ZXDC: variants seen among roughly 807,000 people sequenced by gnomAD.
ZXDC encodes the protein zinc finger protein ZXDC.
ZXDC carries 58 observed loss-of-function variants against 63.6 expected under a neutral mutation model. That is an observed-to-expected ratio of 0.91 (90% CI 0.74 to 1.13). ZXDC has a LOEUF of 1.13. Ranked by LOEUF, ZXDC falls within the 50% of genes most tolerant of loss-of-function variation. The pLI is 0.00. For synonymous variants in ZXDC, 561 were observed against 496.1 expected (o/e 1.13, Z -1.74); for missense variants, 1,133 against 1,148.9 (o/e 0.99, Z 0.20).
rs1371755928 is a variant in ZXDC, at chr3:126,475,668, G to T, written c.198C>A (p.Ala66=). 4 of 1,414,700 alleles carry T rather than the reference G, an allele frequency of 2.8e-6. No individual in the cohort carries two copies. The highest frequency in any genetic ancestry group is 2.5e-5 in the Admixed American group (1 of 40,760). 87.6% of individuals were successfully genotyped at this position (1,414,700 alleles called of 1,614,324 possible). ...AAGAGTCGCCGTCGCTGTCGTCCTCGGCGGGCGGCGGGCTTGGCCCGGAGG... is the reference window on the plus strand; with the variant it reads ...AAGAGTCGCCGTCGCTGTCGTCCTCTGCGGGCGGCGGGCTTGGCCCGGAGG... ...GEASGPSPPP[A]EDDSDGDSFL... Residue 66 remains alanine (A), a synonymous_variant, in exon 1 of 10, where the codon GCC becomes GCA. Coordinates refer to ENST00000389709, the MANE Select transcript of ZXDC (RefSeq NM_025112.5).
Position 126,449,719 on chromosome 3 carries a change from A to C in ZXDC, c.2213-7773T>G, listed in dbSNP as rs372108476. 3.5e-4 allele frequency among the ~76,000 whole-genome samples: 53 copies of C among 152,348 alleles called. 1 individual carries two copies. In the South Asian group the frequency reaches 7.0e-3, roughly 20 times the overall value. On this transcript the variant is annotated intron_variant, in intron 7 of 9. Transcript: ENST00000389709. ...TCAAGGGACTTTCCACTGGGCTGCC[A>C]AGGCCGACCTTCACCCTCAATCACC...
chr3:126,461,082 C>CT (rs79091231), intron 6 of ZXDC: 7,103 of 635,428 alleles, frequency 0.011, 14 homozygotes, highest in African/African-American at 0.026. Flanking sequence ...AAACCCCACC[C>CT]TTTTTTTTTT....
At chr3:126,467,435 G>C (rs548747258) in intron 4 of ZXDC, among the ~76,000 whole-genome samples, 1 of 152,130 alleles carries the variant, frequency 6.6e-6, no homozygotes, top group Non-Finnish European at 1.5e-5. Flanking sequence ...GCCTCTGCAC[G>C]GGCCTAAGCA....
At position 126,475,853 on chromosome 3, in the gene ZXDC, C is replaced by G; in HGVS notation, c.13G>C (p.Ala5Pro). MDLP[A>P]LLPAPTARGG... Reference sequence around the variant, plus strand: ...CGCGCAGTCGGGGCGGGGAGCAGCGCCGGGAGGTCCATCTTGGTCCCAGCG... The same window carrying G: ...CGCGCAGTCGGGGCGGGGAGCAGCGGCGGGAGGTCCATCTTGGTCCCAGCG... Residue 5 changes from alanine (A) to proline (P), a missense_variant, in exon 1 of 10, where the codon GCG becomes CCG. Coordinates refer to ENST00000389709, the MANE Select transcript of ZXDC (RefSeq NM_025112.5). 9.3e-7 allele frequency: 1 copy of G among 1,077,800 alleles called. No individual in the cohort carries two copies. Among genetic ancestry groups the G allele is most frequent in the Non-Finnish European group, 1.1e-6 (1 of 890,496 alleles). The allele number at this position is 1,077,800 out of a possible 1,614,324, so 66.8% of individuals were successfully genotyped here.
chr3:126,457,343 T>C (rs1486338364), intron 7 of ZXDC: 3 of 985,186 alleles, frequency 3.0e-6, no homozygotes, highest in East Asian at 2.3e-4. Context: ...GGAATATGTG[T>C]CTAAAACCAC....
rs1934767019 is a variant in ZXDC, at chr3:126,466,387, A to T, written c.1271-62T>A. 3.8e-6 allele frequency: 6 copies of T among 1,599,806 alleles called. No individual in the cohort carries two copies. The South Asian group carries it at 6.7e-5, about 18-fold the overall frequency. ...ATCACCAAGGAACCAGGAACAAGTG[A>T]CACTTCCCCATCAGATCAGAACCAC... On this transcript the variant is annotated intron_variant, in intron 4 of 9. Transcript: ENST00000389709.
chr3:126,448,310 G>C (rs543002118), intron 7 of ZXDC, among the ~76,000 whole-genome samples: 1 of 152,164 alleles, frequency 6.6e-6, no homozygotes, highest in Non-Finnish European at 1.5e-5. Flanking sequence ...GCAGGTGCTC[G>C]GCCAGATGGT....
intron 3 of ZXDC, among the ~76,000 whole-genome samples, chr3:126,471,474 T>C (rs1934977992): frequency 6.6e-6 from 1 of 152,218 alleles, no homozygotes; most frequent in South Asian, 2.1e-4. Context: ...GACATTTTTA[T>C]ATTAAATCCT....
At position 126,472,182 on chromosome 3, in the gene ZXDC, C is replaced by T. The variant is rs765055217; in HGVS notation, c.1031G>A (p.Arg344Gln). ...GCSKQYDKACRLKIHLRSHTG... is the reference protein window; with the variant it reads ...GCSKQYDKACQLKIHLRSHTG... ...ATGGCTCCGCAGGTGAATTTTCAGC[C>T]GACAGGCTTTATCATACTGCTTGCT... is the stretch of plus-strand genomic sequence containing the variant. Residue 344 changes from arginine (R) to glutamine (Q), a missense_variant, in exon 2 of 10, where the codon CGG (arginine) becomes CAG (glutamine). Arg to Gln is a conservative substitution (Grantham distance 43). Coordinates refer to ENST00000389709, the MANE Select transcript of ZXDC (RefSeq NM_025112.5). The T allele has an allele frequency of 8.7e-6, 14 of 1,610,510 alleles. No homozygotes were observed. The highest frequency in any genetic ancestry group is 4.0e-5 in the African/African-American group (3 of 74,886).
rs748627048 is a variant in ZXDC at position 126,466,143 on chromosome 3, G to GA, written c.1441+11dup. 11 of 1,603,566 alleles carry GA rather than the reference G, an allele frequency of 6.9e-6. No homozygotes were observed. The South Asian group carries it at 1.1e-4, about 16-fold the overall frequency. ...GAAGCAGCTCCCCATGGGGGCCGTG[G>GA]AAAGTGCAGACCTTGGCGCCGGCTG... On this transcript the variant is annotated intron_variant, in intron 5 of 9. Transcript: ENST00000389709.
intron 4 of ZXDC, among the ~76,000 whole-genome samples, chr3:126,470,016 T>C (rs1934919195): frequency 6.6e-6 from 1 of 152,204 alleles, no homozygotes; most frequent in Admixed American, 6.5e-5. Context: ...TTTGAATCCA[T>C]GACCACCCGA....
At position 126,462,143 on chromosome 3, in the gene ZXDC, T is replaced by C; in HGVS notation, c.1519A>G (p.Thr507Ala). Residue 507 changes from threonine to alanine, a missense_variant, in exon 6 of 10, where the codon ACT (threonine) becomes GCT (alanine). Coordinates refer to ENST00000389709, the MANE Select transcript of ZXDC (RefSeq NM_025112.5). ...AAGAGTGCAGCAAGATCCATGTTAG[T>C]GAGCTCACTTTGGCCTGGGCTGCTG... The part of the protein sequence containing the change: ...ELSSPGQSEL[T>A]NMDLAALFSD... 1.2e-6 allele frequency: 2 copies of C among 1,613,210 alleles called. No individual in the cohort carries two copies. Among genetic ancestry groups the C allele is most frequent in the South Asian group, 1.1e-5 (1 of 91,078 alleles).
intron 7 of ZXDC, chr3:126,457,352 A>G (rs781241024): frequency 1.4e-4 from 140 of 985,292 alleles, no homozygotes; most frequent in Non-Finnish European, 1.7e-4. Flanking sequence ...GTCTAAAACC[A>G]CAGCAGACCC....
At chr3:126,451,587 C>T (rs1199021522) in intron 7 of ZXDC, 23 of 985,318 alleles carry the variant, frequency 2.3e-5, no homozygotes, top group South Asian at 9.4e-5. Flanking sequence ...CACAAGGACG[C>T]GCTGTGTGCA....
chr3:126,444,358 T>C (rs190953436), intron 7 of ZXDC, among the ~76,000 whole-genome samples: 473 of 152,150 alleles, frequency 3.1e-3, no homozygotes, highest in East Asian at 0.01. Context: ...CGGTGAAACC[T>C]CGTCTCTACT....
At chr3:126,447,128 A>C (rs548669745) in intron 7 of ZXDC, among the ~76,000 whole-genome samples, 5 of 152,338 alleles carry the variant, frequency 3.3e-5, no homozygotes, top group African/African-American at 1.2e-4. Flanking sequence ...CACAGCCTTC[A>C]TGGGTATTCT....
chr3:126,454,831 TGA>T, intron 7 of ZXDC: 1 of 985,364 alleles, frequency 1.0e-6, no homozygotes, highest in Non-Finnish European at 1.2e-6. Context: ...ATTTTTACAC[TGA>T]GAGAAAAATT....
intron 6 of ZXDC, chr3:126,460,916 T>C: frequency 1.0e-6 from 1 of 985,376 alleles, no homozygotes; most frequent in Non-Finnish European, 1.2e-6. Flanking sequence ...ATCTGATCAT[T>C]CCCATCTAGG....
chr3:126,440,576 G>A, intron 8 of ZXDC: 1 of 986,148 alleles, frequency 1.0e-6, no homozygotes, highest in South Asian at 4.7e-5. Context: ...CTCTGGTCCT[G>A]ACTCTGTACC....
Sources: gnomAD v4.1 joint callset for allele counts (sites outside exome capture counted in the v4.1 genomes callset) on GRCh38, gnomAD v4.1.1 for gene constraint, MANE v1.5 for transcripts, NCBI Gene and HGNC (gene_info 2026-07-23, HGNC 2026-07-21) for gene names.